KIFC3: variants seen among roughly 807,000 people sequenced by gnomAD.
KIFC3 encodes kinesin-like protein KIFC3.
A neutral mutation model predicts 101.8 loss-of-function variants in KIFC3; 60 were observed. The observed-to-expected ratio is 0.59, with a 90% CI of 0.48 to 0.73. The LOEUF (loss-of-function observed/expected upper bound fraction) is 0.73, where lower values mean the gene tolerates loss of function less well. KIFC3 is among the 30% of genes least tolerant of loss of function. The pLI, the probability that KIFC3 is intolerant of heterozygous loss-of-function variation, is 0.00. For synonymous variants in KIFC3, 476 were observed against 482.7 expected (o/e 0.99, Z 0.18); for missense variants, 966 against 1,137.1 (o/e 0.85, Z 2.16).
chr16:57,798,496 G>C, intron 1 of KIFC3: 1 of 591,064 alleles, frequency 1.7e-6, no homozygotes, highest in Non-Finnish European at 3.0e-6. Flanking sequence ...GAATACGGAG[G>C]CTCCGAAGTG....
rs539412238 is a variant in KIFC3 at position 57,827,458 on chromosome 16, A to G, written c.109-29176T>C. ...CCACAAATCCGGAGCAGAGCCAGAG[A>G]GCCAGCCCATGCCTGGCACAGAGGA... On this transcript the variant is annotated intron_variant, in intron 1 of 2. Transcript: ENST00000563028. Among the ~76,000 whole-genome samples, 9 of 152,372 alleles carry G rather than the reference A, an allele frequency of 5.9e-5. No homozygotes were observed. In the South Asian group the frequency reaches 6.2e-4, roughly 11 times the overall value.
In KIFC3 at chr16:57,771,262, C is replaced by T. The variant is rs566322173; in HGVS notation, c.701G>A (p.Ser234Asn). 6.2e-7 allele frequency: 1 copy of T among 1,613,326 alleles called. No homozygotes were observed. Among genetic ancestry groups the T allele is most frequent in the East Asian group, 2.2e-5 (1 of 44,880 alleles). ...CTCGTGGCTGTCACGCAGGCGCCGA[C>T]TAAGCCGCTCCTCCTCCTGTGCCTT... ...AEKAQEEERL[S>N]RRLRDSHETI... The change falls in exon 6 of 20, where the codon AGT becomes AAT. Residue 234 changes from serine (S) to asparagine (N), a missense_variant. Ser to Asn is a conservative substitution (Grantham distance 46). Transcript: ENST00000445690.
intron 1 of KIFC3, among the ~76,000 whole-genome samples, chr16:57,844,677 G>A (rs1234302150): frequency 6.6e-6 from 1 of 152,078 alleles, no homozygotes; most frequent in African/African-American, 2.4e-5. Flanking sequence ...GCAGGCCCCA[G>A]GTGTTTGAAC....
At chr16:57,809,301 A>G (rs1035690961) in intron 1 of KIFC3, among the ~76,000 whole-genome samples, 45 of 152,108 alleles carry the variant, frequency 3.0e-4, no homozygotes, top group Non-Finnish European at 5.4e-4. Flanking sequence ...TATTTCATTT[A>G]TTCACTTATT....
At position 57,798,299 on chromosome 16, in the gene KIFC3, G is replaced by A. The variant is rs782270356; in HGVS notation, c.-39-17C>T. 7.1e-6 allele frequency: 11 copies of A among 1,543,230 alleles called. No homozygotes were observed. In the South Asian group the frequency reaches 1.1e-4, roughly 15 times the overall value. On this transcript the variant is annotated splice_polypyrimidine_tract_variant and intron_variant, in intron 1 of 19. Coordinates refer to ENST00000445690, the MANE Select transcript of KIFC3 (RefSeq NM_001130100.2). The stretch of plus-strand genomic sequence containing the variant: ...CCAGGCAGCCTGCGGAGAGAACAAG[G>A]GGAGATAAGCTTGAAGACCGTGGAC...
intron 1 of KIFC3, among the ~76,000 whole-genome samples, chr16:57,837,075 T>C (rs561497875): frequency 1.3e-5 from 2 of 152,170 alleles, no homozygotes; most frequent in Non-Finnish European, 2.9e-5. Flanking sequence ...TGTTTGTTTA[T>C]GTGTGTGTAT....
chr16:57,785,933 T>C (rs2053272570), intron 3 of KIFC3, among the ~76,000 whole-genome samples: 1 of 151,972 alleles, frequency 6.6e-6, no homozygotes, highest in South Asian at 2.1e-4. Context: ...TGAATACGGC[T>C]CTCAAAGCAC....
intron 1 of KIFC3, among the ~76,000 whole-genome samples, chr16:57,860,022 A>AAAAAATAAAAT (rs2056260237): frequency 6.9e-5 from 6 of 86,898 alleles, no homozygotes; most frequent in South Asian, 3.9e-4. Flanking sequence ...ACTCTGTCTC[A>AAAAAATAAAAT]AAAATAAAAT....
chr16:57,821,785 T>C (rs543338330), intron 1 of KIFC3, among the ~76,000 whole-genome samples: 48 of 152,262 alleles, frequency 3.2e-4, no homozygotes, highest in Admixed American at 2.0e-4. Context: ...TTGTGGCTCA[T>C]GCCTATAGTC....
At chr16:57,827,715 C>T in intron 1 of KIFC3, among the ~76,000 whole-genome samples, 1 of 152,212 alleles carries the variant, frequency 6.6e-6, no homozygotes, top group African/African-American at 2.4e-5. Flanking sequence ...TCCACAAACC[C>T]TCCAGTGGGC....
At chr16:57,839,726 A>G (rs1172967707) in intron 1 of KIFC3, among the ~76,000 whole-genome samples, 1 of 152,070 alleles carries the variant, frequency 6.6e-6, no homozygotes, top group Non-Finnish European at 1.5e-5. Flanking sequence ...GGCTAACATT[A>G]TTATTCATTT....
chr16:57,809,835 C>T (rs1418927635), intron 1 of KIFC3, among the ~76,000 whole-genome samples: 1 of 152,188 alleles, frequency 6.6e-6, no homozygotes, highest in Non-Finnish European at 1.5e-5. Context: ...GGAATTCTCG[C>T]CCTGGCTGGT....
intron 1 of KIFC3, among the ~76,000 whole-genome samples, chr16:57,853,993 G>GATCACACAC (rs1196094611): frequency 6.6e-6 from 1 of 152,044 alleles, no homozygotes; most frequent in Non-Finnish European, 1.5e-5. Context: ...CCAGGCTGGA[G>GATCACACAC]TGCAGTGGTG....
Position 57,818,040 on chromosome 16 carries a change from A to G in KIFC3, c.109-19758T>C, listed in dbSNP as rs1482840276. 6.8e-5 allele frequency among the ~76,000 whole-genome samples: 9 copies of G among 133,272 alleles called. No homozygotes were observed. In the East Asian group the frequency reaches 6.8e-4, roughly 10 times the overall value. The allele number at this position is 133,272 out of a possible 152,430, so 87.4% of individuals were successfully genotyped here. ...TTTTTTTTTTTTTTTGTTCTTTTCT[A>G]TGTTTTGAGACAGAGTCTCACTTTT... is the stretch of plus-strand genomic sequence containing the variant. On this transcript the variant is annotated intron_variant, in intron 1 of 2. Coordinates refer to the KIFC3 transcript ENST00000563028.
chr16:57,809,326 C>T (rs1299980017), intron 1 of KIFC3, among the ~76,000 whole-genome samples: 5 of 152,110 alleles, frequency 3.3e-5, no homozygotes, highest in Admixed American at 6.5e-5. Flanking sequence ...GTTGGGGTCT[C>T]GCTCTCTCAC....
At chr16:57,775,135 C>T (rs968622398) in intron 3 of KIFC3, 2 of 1,379,396 alleles carry the variant, frequency 1.4e-6, no homozygotes, top group Non-Finnish European at 1.9e-6. Context: ...ACAATGGGAA[C>T]CTGGGGGCTC....
At chr16:57,791,101 G>A (rs904861778) in intron 3 of KIFC3, 1 of 165,478 alleles carries the variant, frequency 6.0e-6, no homozygotes, top group African/African-American at 2.4e-5. Flanking sequence ...GCCGGGCGTG[G>A]TGCCTGTAAT....
intron 3 of KIFC3, chr16:57,775,433 C>T (rs374996543): frequency 2.9e-6 from 3 of 1,020,466 alleles, no homozygotes; most frequent in Non-Finnish European, 3.5e-6. Context: ...GGCTAGGTCT[C>T]GGGCTTGTAG....
chr16:57,770,426 C>A (rs2051011345), intron 7 of KIFC3, 101 bp downstream of exon 7: 1 of 1,101,892 alleles, frequency 9.1e-7, no homozygotes, highest in Non-Finnish European at 1.2e-6. Flanking sequence ...AGGGACTGGA[C>A]CCCGTGTCTG....
Sources: allele counts gnomAD v4.1 joint callset (sites outside exome capture counted in the v4.1 genomes callset), GRCh38; gene constraint gnomAD v4.1.1; transcripts MANE v1.5; gene names NCBI Gene and HGNC (gene_info 2026-07-23, HGNC 2026-07-21).